The following PITRM1 variants were observed in gnomAD, a reference collection of about 807,000 sequenced individuals.
PITRM1 encodes the protein presequence protease, mitochondrial.
In PITRM1, 100 loss-of-function variants were observed where a neutral mutation model predicts 129.9. The observed-to-expected ratio is 0.77, with a 90% CI of 0.65 to 0.91. The LOEUF (loss-of-function observed/expected upper bound fraction) is 0.91. PITRM1 is among the 40% of genes least tolerant of loss of function. PITRM1 has a pLI of 0.00. For missense variants in PITRM1, 1,471 were observed against 1,318.3 expected, an observed-to-expected ratio of 1.12 and a Z score of -1.79; for synonymous variants, 591 against 508.8, an observed-to-expected ratio of 1.16 and a Z score of -2.17.
At chr10:3,144,393 G>C (rs2132372857) in intron 21 of PITRM1, 27 bp from the exon 22 acceptor site, 1 of 1,437,328 alleles carries the variant, frequency 7.0e-7, no homozygotes, top group Non-Finnish European at 9.5e-7. Context: ...CAAGAGAAAA[G>C]AGAAAAATCC....
At chr10:3,166,172 C>T in intron 4 of PITRM1, 57 bp downstream of exon 4, 1 of 1,419,634 alleles carries the variant, frequency 7.0e-7, no homozygotes, top group Non-Finnish European at 9.4e-7. Context: ...TAACTGAATT[C>T]CAGTGGGTGT....
chr10:3,138,960 T>C lies in PITRM1; in HGVS notation c.2861A>G (p.Glu954Gly). 3.1e-6 allele frequency: 5 copies of C among 1,613,980 alleles called. No individual in the cohort carries two copies. Among genetic ancestry groups the C allele is most frequent in the Middle Eastern group, 3.3e-4 (2 of 6,062 alleles). Residue 954 changes from glutamate (E) to glycine (G), a missense_variant, in exon 25 of 27, where the codon GAA becomes GGA. Coordinates refer to ENST00000224949, the MANE Select transcript of PITRM1 (RefSeq NM_014889.4). ...SGKFTQQDIDEAKLSVFSTVD... is the reference protein window; with the variant it reads ...SGKFTQQDIDGAKLSVFSTVD... ...GGTTGAGAAGACAGAAAGTTTGGCT[T>C]CGTCGATGTCTTGCTGTGTGAATTT...
intron 12 of PITRM1, 129 bp downstream of exon 12, chr10:3,157,306 A>G (rs1045153577): frequency 2.2e-5 from 14 of 637,088 alleles, no homozygotes; most frequent in Non-Finnish European, 3.6e-5. Context: ...CCAACAGATT[A>G]CTAGTTATAA....
chr10:3,140,307 G>A (rs562140444), intron 24 of PITRM1, among the ~76,000 whole-genome samples: 5 of 152,348 alleles, frequency 3.3e-5, no homozygotes, highest in African/African-American at 1.2e-4. Flanking sequence ...CTGCTTAGAA[G>A]AATGGTGTAC....
chr10:3,144,873 T>C (rs1840688318), intron 21 of PITRM1: 1 of 152,630 alleles, frequency 6.6e-6, no homozygotes, highest in Non-Finnish European at 1.5e-5. Flanking sequence ...AAATAAATTT[T>C]CAGACAGTCA....
intron 4 of PITRM1, 34 bp downstream of exon 4, chr10:3,166,195 C>A: frequency 6.5e-7 from 1 of 1,531,276 alleles, no homozygotes. Flanking sequence ...CTGGCAAACC[C>A]AAAAGCAGTT....
At chr10:3,142,099 C>T (rs1345998456) in intron 23 of PITRM1, among the ~76,000 whole-genome samples, 1 of 152,236 alleles carries the variant, frequency 6.6e-6, no homozygotes, top group Non-Finnish European at 1.5e-5. Flanking sequence ...GGAACCTCCA[C>T]ATTTTTAGTG....
At chr10:3,143,739 G>T (rs202127046) in intron 22 of PITRM1, 4 of 698,152 alleles carry the variant, frequency 5.7e-6, no homozygotes, top group East Asian at 2.8e-5. Context: ...AAACTGACAT[G>T]AAGTCCTCCA....
intron 16 of PITRM1, 116 bp downstream of exon 16, chr10:3,149,505 C>T: frequency 9.5e-7 from 1 of 1,050,312 alleles, no homozygotes; most frequent in Non-Finnish European, 1.4e-6. Flanking sequence ...CATACTTACA[C>T]ACTAACATTG....
At chr10:3,139,348 G>A (rs1839951853) in intron 24 of PITRM1, among the ~76,000 whole-genome samples, 1 of 152,198 alleles carries the variant, frequency 6.6e-6, no homozygotes, top group African/African-American at 2.4e-5. Context: ...AGTCAGTGGA[G>A]GGTAGGGGCA....
Position 3,147,383 on chromosome 10 carries a change from C to T in PITRM1, c.2236-133G>A, listed in dbSNP as rs368544361. The T allele has an allele frequency of 1.6e-4, 152 of 944,244 alleles. 1 individual carries two copies. The South Asian group carries it at 2.1e-3, about 13-fold the overall frequency. The allele number at this position is 944,244 out of a possible 1,614,324, so 58.5% of individuals were successfully genotyped here. ...GTGCGAGTGCACGGCTTGGGCAGGG[C>T]TGGAACTGGGATGCAGGGTGGTACA... On this transcript the variant is annotated intron_variant, in intron 19 of 26. Coordinates refer to ENST00000224949, the MANE Select transcript of PITRM1 (RefSeq NM_014889.4).
chr10:3,167,611 A>G (rs1190661862), intron 2 of PITRM1, among the ~76,000 whole-genome samples: 3 of 152,196 alleles, frequency 2.0e-5, no homozygotes, highest in Non-Finnish European at 2.9e-5. Context: ...GTGCCTCAGT[A>G]ACACAGCGCC....
At chr10:3,163,444 G>A (rs1842612529) in intron 7 of PITRM1, 1 of 231,362 alleles carries the variant, frequency 4.3e-6, no homozygotes, top group African/African-American at 2.3e-5. Flanking sequence ...ACGCAACCAA[G>A]CTAGATGTGA....
chr10:3,164,038 A>C, intron 6 of PITRM1, 153 bp from the exon 7 acceptor site: 2 of 415,806 alleles, frequency 4.8e-6, no homozygotes, highest in East Asian at 4.3e-5. Flanking sequence ...AAAAAAAAAA[A>C]ACACCCACGC....
At chr10:3,140,875 A>ACTTC in intron 23 of PITRM1, 63 bp from the exon 24 acceptor site, 1 of 1,301,618 alleles carries the variant, frequency 7.7e-7, no homozygotes, top group Non-Finnish European at 1.1e-6. Flanking sequence ...ACAATGAAGT[A>ACTTC]ATTGTTGGAT....
At chr10:3,172,401 G>A (rs1485580164) in intron 1 of PITRM1, among the ~76,000 whole-genome samples, 1 of 152,222 alleles carries the variant, frequency 6.6e-6, no homozygotes, top group Middle Eastern at 3.2e-3. Flanking sequence ...CTGTCAGCGA[G>A]AACCGCAAAT....
Position 3,160,228 on chromosome 10 carries a change from T to G in PITRM1, c.894A>C (p.Pro298=), listed in dbSNP as rs374869417. Residue 298 remains proline (P), a synonymous_variant, in exon 8 of 27, where the codon CCA becomes CCC. Transcript: ENST00000224949. ...CAGGCTTGTCCCAGGGTGTCTGAGCTGGCACCACGGTGCTTGGTTCAATTT... is the reference window on the plus strand; with the variant it reads ...CAGGCTTGTCCCAGGGTGTCTGAGCGGGCACCACGGTGCTTGGTTCAATTT... The part of the protein sequence containing the change: ...FQKIEPSTVV[P]AQTPWDKPRE... 4.5e-5 allele frequency: 72 copies of G among 1,613,970 alleles called. No individual in the cohort carries two copies. The highest frequency in any genetic ancestry group is 5.6e-5 in the Non-Finnish European group (66 of 1,179,826).
intron 10 of PITRM1, 143 bp downstream of exon 10, chr10:3,158,771 G>T (rs965077064): frequency 1.4e-6 from 1 of 724,708 alleles, no homozygotes; most frequent in Non-Finnish European, 2.2e-6. Context: ...TTCCTGGTCC[G>T]CCATCTTCCG....
At chr10:3,147,100 T>C (rs749887521) in intron 20 of PITRM1, 50 bp downstream of exon 20, 89 of 1,017,562 alleles carry the variant, frequency 8.7e-5, no homozygotes, top group East Asian at 6.3e-4. Flanking sequence ...CTAAAAACTA[T>C]ACTTAATAGA....
Sources: allele counts gnomAD v4.1 joint callset (sites outside exome capture counted in the v4.1 genomes callset), GRCh38; gene constraint gnomAD v4.1.1; transcripts MANE v1.5; gene names NCBI Gene and HGNC (gene_info 2026-07-23, HGNC 2026-07-21).